Variants in SDC2 observed in about 807,000 individuals in gnomAD.
SDC2 encodes the protein syndecan-2.
A neutral mutation model predicts 22.2 loss-of-function variants in SDC2; 13 were observed. That is an observed-to-expected ratio of 0.59 (90% CI 0.38 to 0.93). The LOEUF (loss-of-function observed/expected upper bound fraction) is 0.93, where lower values mean the gene tolerates loss of function less well. Ranked by LOEUF, SDC2 falls within the 40% of genes least tolerant of loss-of-function variation. The probability of loss-of-function intolerance (pLI) is 0.00; values close to 1 mark genes in which losing one functional copy is unlikely to be tolerated. For synonymous variants in SDC2, 94 were observed against 92.8 expected (o/e 1.01, Z -0.07); for missense variants, 235 against 246.8 (o/e 0.95, Z 0.32).
Position 96,590,836 on chromosome 8 carries a change from C to T in SDC2, c.61-2644C>T, listed in dbSNP as rs774531342. On this transcript the variant is annotated intron_variant, in intron 1 of 4. Transcript: ENST00000302190. ...CACCACCCTGGATCACAGAGAAACA[C>T]ACTTTTGGCTGCCTTTAAACACATT... 6.6e-5 allele frequency among the ~76,000 whole-genome samples: 10 copies of T among 152,280 alleles called. No individual in the cohort carries two copies. The East Asian group carries it at 1.7e-3, about 26-fold the overall frequency.
intron 1 of SDC2, among the ~76,000 whole-genome samples, chr8:96,579,204 T>G (rs1814553188): frequency 6.6e-6 from 1 of 152,276 alleles, no homozygotes. Context: ...ATGTATGGCA[T>G]TTTAATAAAG....
chr8:96,554,173 T>G (rs1240781049), intron 1 of SDC2, among the ~76,000 whole-genome samples: 3 of 152,208 alleles, frequency 2.0e-5, no homozygotes, highest in Non-Finnish European at 2.9e-5. Flanking sequence ...TAAGATGATA[T>G]GCAGTTCTGG....
intron 1 of SDC2, among the ~76,000 whole-genome samples, chr8:96,512,178 A>G (rs565821542): frequency 6.6e-5 from 10 of 152,230 alleles, no homozygotes; most frequent in Non-Finnish European, 1.3e-4. Context: ...TGGTCACACA[A>G]GGTACTATGC....
rs80331016 is a variant in SDC2, at chr8:96,602,838, C to T, written c.306+310C>T. ...TCACATGGCCCTCCTTCTTAAGGAA[C>T]GTCTGAAGCCCAGTTAAGAAGTAAA... On this transcript the variant is annotated intron_variant, in intron 3 of 4. Coordinates refer to ENST00000302190, the MANE Select transcript of SDC2 (RefSeq NM_002998.4). Among the ~76,000 whole-genome samples the T allele has an allele frequency of 1.6e-3, 251 of 152,260 alleles. 10 individuals carry two copies. In the East Asian group the frequency reaches 0.042, roughly 25 times the overall value.
At chr8:96,598,207 A>G (rs1226455809) in intron 2 of SDC2, among the ~76,000 whole-genome samples, 2 of 152,176 alleles carry the variant, frequency 1.3e-5, no homozygotes, top group Non-Finnish European at 2.9e-5. Context: ...CCCTGCCCCC[A>G]TGACCTGCTC....
chr8:96,565,555 T>C (rs1194679138), intron 1 of SDC2, among the ~76,000 whole-genome samples: 5 of 152,194 alleles, frequency 3.3e-5, no homozygotes, highest in African/African-American at 1.2e-4. Flanking sequence ...AGAGACATAA[T>C]AGGAAGTGTG....
chr8:96,602,636 A>G (rs1289967509), intron 3 of SDC2, 108 bp downstream of exon 3: 2 of 1,247,684 alleles, frequency 1.6e-6, no homozygotes, highest in African/African-American at 1.5e-5. Flanking sequence ...TTTTGGAGCT[A>G]CCCATCATGA....
chr8:96,579,021 A>G lies in SDC2; in HGVS notation c.61-14459A>G, dbSNP rs150925703. ...TGTAGCTCAGTCCCTTGTAACTGCAATTGCTCTTATTTGGGAGCAAAGCAA... is the reference window on the plus strand; with the variant it reads ...TGTAGCTCAGTCCCTTGTAACTGCAGTTGCTCTTATTTGGGAGCAAAGCAA... On this transcript the variant is annotated intron_variant, in intron 1 of 4. Coordinates refer to ENST00000302190, the MANE Select transcript of SDC2 (RefSeq NM_002998.4). 5.8e-3 allele frequency among the ~76,000 whole-genome samples: 889 copies of G among 152,280 alleles called. 6 individuals carry two copies. Among genetic ancestry groups the G allele is most frequent in the Non-Finnish European group, 6.9e-3 (472 of 68,020 alleles).
chr8:96,538,863 T>A (rs533259594), intron 1 of SDC2: 1 of 152,284 alleles, frequency 6.6e-6, no homozygotes, highest in South Asian at 2.1e-4. Flanking sequence ...TGTCCACTAA[T>A]CAAGGCGTTG....
intron 2 of SDC2, among the ~76,000 whole-genome samples, chr8:96,600,952 G>C (rs1814971484): frequency 1.3e-5 from 2 of 152,270 alleles, no homozygotes; most frequent in Non-Finnish European, 2.9e-5. Context: ...CATGGATGAG[G>C]GAGAAAGTGT....
At chr8:96,587,230 C>A (rs1415999854) in intron 1 of SDC2, among the ~76,000 whole-genome samples, 5 of 152,106 alleles carry the variant, frequency 3.3e-5, no homozygotes, top group Non-Finnish European at 7.4e-5. Flanking sequence ...AGCCTAAAGA[C>A]CTTTCTTAAG....
At position 96,509,096 on chromosome 8, in the gene SDC2, A is replaced by C. The variant is rs1032178242; in HGVS notation, c.60+14765A>C. ...AATGGGAGAACTAAGAGGTAGAATT[A>C]ATGGAACCTCTCTAAATCTCAGCTC... is the stretch of plus-strand genomic sequence containing the variant. On this transcript the variant is annotated intron_variant, in intron 1 of 4. Transcript: ENST00000302190. Among the ~76,000 whole-genome samples, 5 of 142,198 alleles carry C rather than the reference A, an allele frequency of 3.5e-5. 1 individual carries two copies. The highest frequency in any genetic ancestry group is 8.0e-5 in the Non-Finnish European group (5 of 62,378). The allele number at this position is 142,198 out of a possible 152,430, so 93.3% of individuals were successfully genotyped here.
chr8:96,563,746 C>T (rs1814249859), intron 1 of SDC2, among the ~76,000 whole-genome samples: 1 of 152,242 alleles, frequency 6.6e-6, no homozygotes. Context: ...TTATTCAGAT[C>T]TGTGCATTGG....
intron 1 of SDC2, among the ~76,000 whole-genome samples, chr8:96,548,303 G>A (rs1020161455): frequency 5.9e-5 from 9 of 152,114 alleles, no homozygotes; most frequent in African/African-American, 2.2e-4. Context: ...ACAGTTACAG[G>A]TTGGGCATCC....
intron 1 of SDC2, chr8:96,580,649 A>C: frequency 2.6e-6 from 1 of 384,360 alleles, no homozygotes; most frequent in Non-Finnish European, 3.6e-6. Context: ...ACAGGGCCCA[A>C]GCAAGAGACC....
At chr8:96,517,231 TTGTATTTACTC>T (rs1462280166) in intron 1 of SDC2, among the ~76,000 whole-genome samples, 1 of 152,212 alleles carries the variant, frequency 6.6e-6, no homozygotes, top group Non-Finnish European at 1.5e-5. Flanking sequence ...TCTTAGCCAT[TTGTATTTACTC>T]TGTGAAGAAA....
intron 1 of SDC2, among the ~76,000 whole-genome samples, chr8:96,575,931 C>T (rs1273742532): frequency 6.6e-6 from 1 of 152,116 alleles, no homozygotes; most frequent in East Asian, 1.9e-4. Context: ...TGTTTTCTGC[C>T]CTTATAAAGA....
intron 1 of SDC2, among the ~76,000 whole-genome samples, chr8:96,587,949 A>C (rs150261300): frequency 3.1e-4 from 47 of 152,256 alleles, no homozygotes; most frequent in African/African-American, 1.1e-3. Flanking sequence ...GATTTCAGGC[A>C]ACAATCTCCT....
At chr8:96,573,484 G>T (rs1395802372) in intron 1 of SDC2, among the ~76,000 whole-genome samples, 1 of 151,812 alleles carries the variant, frequency 6.6e-6, no homozygotes, top group African/African-American at 2.4e-5. Context: ...GGATTTTGAG[G>T]TCTTATCCAT....
Sources: allele counts gnomAD v4.1 joint callset (sites outside exome capture counted in the v4.1 genomes callset), GRCh38; gene constraint gnomAD v4.1.1; transcripts MANE v1.5; gene names NCBI Gene and HGNC (gene_info 2026-07-23, HGNC 2026-07-21).